Variants in FGF12 observed in about 807,000 individuals in gnomAD.
The protein encoded by FGF12 is fibroblast growth factor 12B.
Under a neutral mutation model 23.6 loss-of-function variants are expected in FGF12, and 14 were observed. That is an observed-to-expected ratio of 0.59 (90% confidence interval 0.39 to 0.93). The LOEUF is 0.93. Ranked by LOEUF, FGF12 falls within the 40% of genes least tolerant of loss-of-function variation. The pLI, the probability that FGF12 is intolerant of heterozygous loss-of-function variation, is 0.00. For missense variants in FGF12, 175 were observed against 217.8 expected (o/e 0.80, Z 1.24); for synonymous variants, 62 against 77.3 (o/e 0.80, Z 1.04).
intron 2 of FGF12, among the ~76,000 whole-genome samples, chr3:192,381,366 G>A (rs969343667): frequency 6.6e-6 from 1 of 152,148 alleles, no homozygotes; most frequent in Non-Finnish European, 1.5e-5. Flanking sequence ...CCTACTGCCT[G>A]CCTGCCTTCA....
chr3:192,380,621 G>A lies in FGF12; in HGVS notation c.14-20083C>T, dbSNP rs78509963. ...TTTATGTACAGAAATTCTAATTTCT[G>A]ATAGCAAGATAGTAAGGCAAAATCA... On this transcript the variant is annotated intron_variant, in intron 2 of 5. Coordinates refer to ENST00000445105, the MANE Select transcript of FGF12 (RefSeq NM_004113.6). Among the ~76,000 whole-genome samples, 131 of 152,250 alleles carry A rather than the reference G, an allele frequency of 8.6e-4. 1 individual carries two copies. The East Asian group carries it at 0.02, about 24-fold the overall frequency.
At chr3:192,164,319 T>C (rs1396661291) in intron 5 of FGF12, among the ~76,000 whole-genome samples, 1 of 152,084 alleles carries the variant, frequency 6.6e-6, no homozygotes, top group African/African-American at 2.4e-5. Context: ...AGGGGACCCA[T>C]GTAAGTAGAG....
intron 2 of FGF12, among the ~76,000 whole-genome samples, chr3:192,597,203 G>A (rs1713893541): frequency 6.6e-6 from 1 of 152,146 alleles, no homozygotes; most frequent in Non-Finnish European, 1.5e-5. Context: ...GATGTGCTAG[G>A]ACTGTTAGGA....
At chr3:192,247,254 A>G (rs1006411782) in intron 4 of FGF12, among the ~76,000 whole-genome samples, 1 of 152,174 alleles carries the variant, frequency 6.6e-6, no homozygotes, top group African/African-American at 2.4e-5. Context: ...CAAATAGTCA[A>G]CAAGCAGATG....
intron 2 of FGF12, among the ~76,000 whole-genome samples, chr3:192,518,258 T>G (rs57819304): frequency 0.025 from 3,819 of 152,260 alleles, 163 homozygotes; most frequent in African/African-American, 0.085. Flanking sequence ...GACTCACCAG[T>G]GTGGCTTCAA....
At chr3:192,477,431 C>A (rs1012234702) in intron 2 of FGF12, among the ~76,000 whole-genome samples, 3 of 152,060 alleles carry the variant, frequency 2.0e-5, no homozygotes, top group Non-Finnish European at 4.4e-5. Context: ...AAGAAAAATT[C>A]TATTGCAGTA....
Position 192,592,716 on chromosome 3 carries a change from TC to T in FGF12, c.13+134464del, listed in dbSNP as rs112398028. 8.9e-3 allele frequency among the ~76,000 whole-genome samples: 1,345 copies of T among 151,842 alleles called. 30 individuals carry two copies. The highest frequency in any genetic ancestry group is 0.023 in the African/African-American group (943 of 41,482). ...CCACTTTCCAGAATTCCCTCAAATT[TC>T]TCCAAGGGTCTCCATCTTCTCTTTA... On this transcript the variant is annotated intron_variant, in intron 2 of 5. Transcript: ENST00000445105.
intron 2 of FGF12, among the ~76,000 whole-genome samples, chr3:192,550,385 T>C (rs1725604270): frequency 6.7e-6 from 1 of 149,752 alleles, no homozygotes; most frequent in Non-Finnish European, 1.5e-5. Flanking sequence ...ACATAATATA[T>C]AATGTAATTA....
intron 2 of FGF12, among the ~76,000 whole-genome samples, chr3:192,629,463 C>A (rs1263306705): frequency 6.6e-6 from 1 of 152,192 alleles, no homozygotes; most frequent in Non-Finnish European, 1.5e-5. Flanking sequence ...AGGAAACCAG[C>A]GATCTCAAGA....
chr3:192,535,600 A>G (rs1463509909), intron 2 of FGF12, among the ~76,000 whole-genome samples: 1 of 152,220 alleles, frequency 6.6e-6, no homozygotes, highest in African/African-American at 2.4e-5. Context: ...TTTTTCAGAG[A>G]ACAAGGATAG....
intron 4 of FGF12, among the ~76,000 whole-genome samples, chr3:192,237,329 T>C (rs995406542): frequency 6.6e-6 from 1 of 152,178 alleles, no homozygotes; most frequent in African/African-American, 2.4e-5. Context: ...GGTCATCTTG[T>C]ATAGTATTTT....
At chr3:192,711,255 G>A (rs1237495817) in intron 2 of FGF12, among the ~76,000 whole-genome samples, 1 of 136,080 alleles carries the variant, frequency 7.3e-6, no homozygotes, top group Non-Finnish European at 1.5e-5. Context: ...GCCAGCCCCT[G>A]CCCGGCCAGC....
At chr3:192,252,199 G>A (rs1373557338) in intron 4 of FGF12, among the ~76,000 whole-genome samples, 1 of 151,772 alleles carries the variant, frequency 6.6e-6, no homozygotes, top group Non-Finnish European at 1.5e-5. Flanking sequence ...GGTGGCTCAC[G>A]CCTGTAATCA....
chr3:192,441,458 C>T (rs1404121382), intron 2 of FGF12, among the ~76,000 whole-genome samples: 1 of 152,124 alleles, frequency 6.6e-6, no homozygotes, highest in Admixed American at 6.6e-5. Context: ...AGTTTCCTTC[C>T]CTGTAACGCC....
intron 2 of FGF12, among the ~76,000 whole-genome samples, chr3:192,500,734 T>C (rs1185085348): frequency 6.6e-6 from 1 of 152,216 alleles, no homozygotes; most frequent in Non-Finnish European, 1.5e-5. Flanking sequence ...AATAACTACA[T>C]TGTGCTTAAT....
chr3:192,628,442 TACACAC>T (rs60991895), intron 2 of FGF12, among the ~76,000 whole-genome samples: 12,034 of 134,860 alleles, frequency 0.089, 777 homozygotes, highest in African/African-American at 0.2. Flanking sequence ...ACCAAAGGAA[TACACAC>T]ACACACACAC....
chr3:192,216,413 A>G (rs1718196270), intron 4 of FGF12, among the ~76,000 whole-genome samples: 1 of 152,218 alleles, frequency 6.6e-6, no homozygotes, highest in African/African-American at 2.4e-5. Context: ...TCTTAGTCTG[A>G]AATCAAAACA....
rs539084226 is a variant in FGF12 at position 192,545,436 on chromosome 3, C to T, written c.13+181745G>A. Among the ~76,000 whole-genome samples, 122 of 152,334 alleles carry T rather than the reference C, an allele frequency of 8.0e-4. 1 individual carries two copies. Among genetic ancestry groups the T allele is most frequent in the Non-Finnish European group, 1.4e-3 (96 of 68,030 alleles). ...TTTCAACGACCTCTGAAAAAGCTTT[C>T]CTCCACAACCACTGATCTTTCTCTC... On this transcript the variant is annotated intron_variant, in intron 2 of 5. Transcript: ENST00000445105.
intron 2 of FGF12, among the ~76,000 whole-genome samples, chr3:192,617,435 T>C (rs1475451991): frequency 6.6e-6 from 1 of 152,066 alleles, no homozygotes; most frequent in African/African-American, 2.4e-5. Flanking sequence ...GGTCATAAAA[T>C]TGGAGAAGTC....
Sources: allele counts gnomAD v4.1 joint callset (sites outside exome capture counted in the v4.1 genomes callset), GRCh38; gene constraint gnomAD v4.1.1; transcripts MANE v1.5; gene names NCBI Gene and HGNC (gene_info 2026-07-23, HGNC 2026-07-21).